TCF4: variants seen among roughly 807,000 people sequenced by gnomAD.
TCF4 encodes the protein SL3-3 enhancer factor 2.
Under a neutral mutation model 82.1 loss-of-function variants are expected in TCF4, and 3 were observed. The observed-to-expected ratio is 0.04, with a 90% CI of 0.02 to 0.09. The LOEUF (loss-of-function observed/expected upper bound fraction) is 0.09. Among genes scored for constraint, TCF4 ranks in the 10% least tolerant of loss-of-function variants. The pLI, the probability that TCF4 is intolerant of heterozygous loss-of-function variation, is 1.00. For synonymous variants in TCF4, 276 were observed against 309.6 expected (o/e 0.89, Z 1.14); for missense variants, 518 against 852.7 (o/e 0.61, Z 4.89).
At chr18:55,260,358 G>A (rs1048507888) in intron 12 of TCF4, among the ~76,000 whole-genome samples, 7 of 152,212 alleles carry the variant, frequency 4.6e-5, no homozygotes, top group African/African-American at 1.2e-4. Context: ...TCTACACAAT[G>A]AGAGGTTGAA....
chr18:55,274,659 G>C (rs1251221017), intron 10 of TCF4, among the ~76,000 whole-genome samples: 2 of 152,192 alleles, frequency 1.3e-5, no homozygotes, highest in Non-Finnish European at 2.9e-5. Context: ...TAGTAGTGAT[G>C]TAAGTATCAC....
chr18:55,536,560 C>T (rs925347478), intron 3 of TCF4, among the ~76,000 whole-genome samples: 5 of 152,088 alleles, frequency 3.3e-5, no homozygotes, highest in East Asian at 1.9e-4. Context: ...AAAAACGTAT[C>T]GGAAGATAAA....
chr18:55,457,339 A>C lies in TCF4; in HGVS notation c.304+3680T>G, dbSNP rs189635960. On this transcript the variant is annotated intron_variant, in intron 5 of 19. Transcript: ENST00000354452. ...GTCATTAAGTCTTCTAGCATGATACATACATTGTGTGTATGGGTGTACATG... is the reference window on the plus strand; with the variant it reads ...GTCATTAAGTCTTCTAGCATGATACCTACATTGTGTGTATGGGTGTACATG... 2.2e-3 allele frequency among the ~76,000 whole-genome samples: 331 copies of C among 152,358 alleles called. 2 individuals are homozygous for C. Among genetic ancestry groups the C allele is most frequent in the African/African-American group, 7.7e-3 (319 of 41,582 alleles).
intron 3 of TCF4, among the ~76,000 whole-genome samples, chr18:55,583,604 TAA>T (rs1490188464): frequency 2.6e-5 from 4 of 152,268 alleles, no homozygotes; most frequent in Non-Finnish European, 5.9e-5. Flanking sequence ...GTAATATACT[TAA>T]GTTATTCTAA....
At chr18:55,374,632 G>A (rs1035887874) in intron 6 of TCF4, among the ~76,000 whole-genome samples, 15 of 151,970 alleles carry the variant, frequency 9.9e-5, no homozygotes, top group African/African-American at 3.1e-4. Flanking sequence ...CAGGCGCGGT[G>A]GCTCACATTT....
At chr18:55,582,452 A>C (rs1417155421) in intron 3 of TCF4, among the ~76,000 whole-genome samples, 5 of 152,070 alleles carry the variant, frequency 3.3e-5, no homozygotes, top group African/African-American at 1.2e-4. Flanking sequence ...ACACCTGCAA[A>C]CATCAAACAA....
At chr18:55,477,652 A>G (rs1221605761) in intron 3 of TCF4, among the ~76,000 whole-genome samples, 1 of 152,210 alleles carries the variant, frequency 6.6e-6, no homozygotes, top group Non-Finnish European at 1.5e-5. Context: ...TGCTAGCAGG[A>G]CAGGTCTATG....
intron 3 of TCF4, chr18:55,496,087 C>G (rs1348274464): frequency 6.6e-6 from 1 of 152,096 alleles, no homozygotes; most frequent in African/African-American, 2.4e-5. Flanking sequence ...TACATAAAAC[C>G]CAGAGATGTG....
chr18:55,279,533 G>C lies in TCF4; in HGVS notation c.655+18C>G, dbSNP rs745562903. 6.2e-7 allele frequency: 1 copy of C among 1,613,736 alleles called. No individual in the cohort carries two copies. Among genetic ancestry groups the C allele is most frequent in the Non-Finnish European group, 8.5e-7 (1 of 1,179,788 alleles). On this transcript the variant is annotated intron_variant, in intron 9 of 19. Transcript: ENST00000354452. ...ATGCTATCCAGTGGCCTTTCCCTCA[G>C]AAGCAGCAGCATCTTACCTTGCATG...
chr18:55,283,279 C>G (rs1601386880), intron 8 of TCF4, among the ~76,000 whole-genome samples: 1 of 149,326 alleles, frequency 6.7e-6, no homozygotes. Context: ...CTGCACTCAT[C>G]AAAGAAAAAA....
At chr18:55,631,709 G>A (rs996044222) in intron 1 of TCF4, among the ~76,000 whole-genome samples, 1 of 152,174 alleles carries the variant, frequency 6.6e-6, no homozygotes, top group African/African-American at 2.4e-5. Flanking sequence ...GTAGGTGAGT[G>A]CCTTAGGAAT....
At chr18:55,362,904 C>T (rs1374376985) in intron 6 of TCF4, among the ~76,000 whole-genome samples, 1 of 152,142 alleles carries the variant, frequency 6.6e-6, no homozygotes. Context: ...AAGGATTCAG[C>T]AGTATAAACA....
intron 3 of TCF4, among the ~76,000 whole-genome samples, chr18:55,576,857 T>C (rs764403071): frequency 3.0e-4 from 46 of 152,062 alleles, no homozygotes; most frequent in Non-Finnish European, 2.5e-4. Context: ...ATGAGGTTTT[T>C]TTGCAAAAGT....
intron 3 of TCF4, among the ~76,000 whole-genome samples, chr18:55,501,009 T>TTA: frequency 6.6e-6 from 1 of 152,218 alleles, no homozygotes; most frequent in Non-Finnish European, 1.5e-5. Flanking sequence ...ATGATGATTA[T>TTA]TACTGAGAAC....
At chr18:55,255,840 A>T (rs1291880164) in intron 14 of TCF4, among the ~76,000 whole-genome samples, 1 of 152,146 alleles carries the variant, frequency 6.6e-6, no homozygotes, top group Admixed American at 6.6e-5. Context: ...TCATGCTACA[A>T]TTGACTTTGA....
At chr18:55,588,562 C>G, upstream of TCF4, 1 of 1,529,652 alleles carries the variant, frequency 6.5e-7, no homozygotes, top group Middle Eastern at 1.7e-4. Context: ...GAAATTTATT[C>G]GAGTTTACAT....
At chr18:55,391,137 T>G (rs1056544053) in intron 6 of TCF4, among the ~76,000 whole-genome samples, 7 of 152,230 alleles carry the variant, frequency 4.6e-5, no homozygotes, top group Admixed American at 4.6e-4. Flanking sequence ...CCACCACTGA[T>G]GTTGTATTGT....
chr18:55,435,203 T>C (rs1438412450), intron 5 of TCF4, among the ~76,000 whole-genome samples: 1 of 152,208 alleles, frequency 6.6e-6, no homozygotes, highest in Non-Finnish European at 1.5e-5. Context: ...CCTGATGCAA[T>C]GTGAGTGAGC....
chr18:55,247,833 T>C (rs1202382742), intron 15 of TCF4, among the ~76,000 whole-genome samples: 1 of 152,222 alleles, frequency 6.6e-6, no homozygotes, highest in African/African-American at 2.4e-5. Context: ...TTGTTGGACT[T>C]GATTTGTGGG....
Sources: gnomAD v4.1 joint callset for allele counts (sites outside exome capture counted in the v4.1 genomes callset) on GRCh38, gnomAD v4.1.1 for gene constraint, MANE v1.5 for transcripts, NCBI Gene and HGNC (gene_info 2026-07-23, HGNC 2026-07-21) for gene names.